Variants in ANKH observed in about 807,000 individuals in gnomAD.
ANKH encodes the protein ANKH inorganic pyrophosphate transport regulator, also known as mineralization regulator ANKH.
ANKH carries 15 observed loss-of-function variants against 49.0 expected under a neutral mutation model. That is an observed-to-expected ratio of 0.31 (90% CI 0.20 to 0.47). The LOEUF is 0.47. Ranked by LOEUF, ANKH falls within the 20% of genes least tolerant of loss-of-function variation. The pLI is 1.00. For missense variants in ANKH, 429 were observed against 652.0 expected (o/e 0.66, Z 3.72); for synonymous variants, 273 against 260.0 (o/e 1.05, Z -0.48).
Position 14,745,791 on chromosome 5 carries a change from G to T in ANKH, c.915+79C>A. The T allele has an allele frequency of 8.1e-7, 1 of 1,228,644 alleles. No homozygotes were observed. 76.1% of individuals were successfully genotyped at this position (1,228,644 alleles called of 1,614,324 possible). A position where few individuals can be genotyped will look rare whatever the true frequency, so the allele number is the denominator to read the frequency against. Reference sequence around the variant, plus strand: ...AAGCAGGACTGAGAAGCAACAAAGTGTCCCTCATCAGAGAGCCCTGTCTAT... The same window carrying T: ...AAGCAGGACTGAGAAGCAACAAAGTTTCCCTCATCAGAGAGCCCTGTCTAT... On this transcript the variant is annotated intron_variant, in intron 7 of 11. Transcript: ENST00000284268. The surrounding 1 kb of genome is among the most constrained non-coding windows in gnomAD (Gnocchi z 4.7).
chr5:14,811,023 A>G (rs1041928711), intron 1 of ANKH, among the ~76,000 whole-genome samples: 5 of 152,170 alleles, frequency 3.3e-5, no homozygotes, highest in Admixed American at 3.3e-4. Flanking sequence ...TAAATGGACC[A>G]TAAAAAGCAA....
chr5:14,733,909 G>A (rs1738085032), intron 8 of ANKH, among the ~76,000 whole-genome samples: 1 of 152,354 alleles, frequency 6.6e-6, no homozygotes, highest in South Asian at 2.1e-4. Flanking sequence ...CCGTCAGGCT[G>A]ATGTCTGGTT....
intron 1 of ANKH, among the ~76,000 whole-genome samples, chr5:14,804,001 T>G (rs1039723187): frequency 6.6e-6 from 1 of 152,180 alleles, no homozygotes; most frequent in African/African-American, 2.4e-5. Context: ...GTTCAAGTGA[T>G]TCTCCTGCCT....
rs2126388381 is a variant in ANKH, at chr5:14,710,300, A to G, written c.*897T>C. 1 of 152,390 alleles carries G rather than the reference A, an allele frequency of 6.6e-6. No homozygotes were observed. Among genetic ancestry groups the G allele is most frequent in the South Asian group, 2.1e-4 (1 of 4,828 alleles). 9.4% of individuals were successfully genotyped at this position (152,390 alleles called of 1,614,324 possible). A position where few individuals can be genotyped will look rare whatever the true frequency, so the allele number is the denominator to read the frequency against. ...GTAAAAACTAAAATGCAAAGTTAGG[A>G]TGCTCCATGTGACTCGCTCTAATGC... On this transcript the variant is annotated 3_prime_UTR_variant, in exon 12 of 12. Transcript: ENST00000284268.
intron 1 of ANKH, among the ~76,000 whole-genome samples, chr5:14,795,191 C>A (rs1740334586): frequency 6.6e-6 from 1 of 152,124 alleles, no homozygotes; most frequent in Non-Finnish European, 1.5e-5. Flanking sequence ...AAAGCAAAAT[C>A]CAGTTGCTGA....
intron 1 of ANKH, chr5:14,787,971 C>T (rs1740034279): frequency 6.6e-6 from 1 of 152,180 alleles, no homozygotes; most frequent in Non-Finnish European, 1.5e-5. Context: ...CCTTCATGAC[C>T]TACTTCCCTT....
rs116020438 is a variant in ANKH, at chr5:14,800,610, G to A, written c.97-31419C>T. ...CAACTCTTTGAAAGCTCAGATGATC[G>A]TTAGCATTTTTTAGCAATGGAGTAT... is the stretch of plus-strand genomic sequence containing the variant. On this transcript the variant is annotated intron_variant, in intron 1 of 11. Coordinates refer to ENST00000284268, the MANE Select transcript of ANKH (RefSeq NM_054027.6). Among the ~76,000 whole-genome samples, 409 of 152,152 alleles carry A rather than the reference G, an allele frequency of 2.7e-3. 2 individuals carry two copies. Among genetic ancestry groups the A allele is most frequent in the African/African-American group, 9.5e-3 (395 of 41,524 alleles).
chr5:14,798,744 A>C (rs1303745558), intron 1 of ANKH, among the ~76,000 whole-genome samples: 2 of 152,134 alleles, frequency 1.3e-5, no homozygotes, highest in Non-Finnish European at 2.9e-5. Flanking sequence ...TGGCAAACTT[A>C]ATAAATGTGT....
At chr5:14,778,915 C>T (rs1441890401) in intron 1 of ANKH, among the ~76,000 whole-genome samples, 1 of 152,216 alleles carries the variant, frequency 6.6e-6, no homozygotes, top group Non-Finnish European at 1.5e-5. Flanking sequence ...CCCCTGCATG[C>T]TGTCAGCTGC....
At chr5:14,787,175 C>G (rs1369214820) in intron 1 of ANKH, among the ~76,000 whole-genome samples, 1 of 152,002 alleles carries the variant, frequency 6.6e-6, no homozygotes, top group South Asian at 2.1e-4. Context: ...TTAGCCTGGC[C>G]TGGTTGCATG....
intron 1 of ANKH, among the ~76,000 whole-genome samples, chr5:14,836,019 C>T (rs1231428815): frequency 6.6e-6 from 1 of 152,228 alleles, no homozygotes; most frequent in African/African-American, 2.4e-5. Context: ...ACAAAAACCA[C>T]ATGATTATCT....
intron 1 of ANKH, among the ~76,000 whole-genome samples, chr5:14,780,214 C>A (rs957609423): frequency 2.0e-5 from 3 of 152,080 alleles, no homozygotes; most frequent in Non-Finnish European, 4.4e-5. Context: ...TGGGCCCTGA[C>A]CTTGTTATAC....
intron 8 of ANKH, 38 bp downstream of exon 8, chr5:14,741,789 A>G (rs780654999): frequency 4.5e-6 from 7 of 1,553,214 alleles, no homozygotes; most frequent in Non-Finnish European, 2.7e-6. Flanking sequence ...TACAAAAACC[A>G]AACAGAGAGA....
chr5:14,824,971 C>T (rs1318071200), intron 1 of ANKH, among the ~76,000 whole-genome samples: 1 of 152,192 alleles, frequency 6.6e-6, no homozygotes, highest in African/African-American at 2.4e-5. Context: ...AAGAGATTAT[C>T]ACCTGTTAGC....
rs1396352328 is a variant in ANKH, at chr5:14,745,396, A to G, written c.915+474T>C. Among the ~76,000 whole-genome samples, 1 of 152,160 alleles carries G rather than the reference A, an allele frequency of 6.6e-6. No homozygotes were observed. The highest frequency in any genetic ancestry group is 1.5e-5 in the Non-Finnish European group (1 of 68,028). On this transcript the variant is annotated intron_variant, in intron 7 of 11. Transcript: ENST00000284268. This position sits in a 1 kb window ranked among gnomAD's most constrained non-coding sequence, Gnocchi z 4.7. ...GGCTTTCCACTGGAATACGTCTGCA[A>G]TATCAAAACACTGGACCCAGGTCTT... is the stretch of plus-strand genomic sequence containing the variant.
At chr5:14,724,258 A>C (rs1737755833) in intron 8 of ANKH, among the ~76,000 whole-genome samples, 1 of 152,210 alleles carries the variant, frequency 6.6e-6, no homozygotes, top group South Asian at 2.1e-4. Flanking sequence ...CAGAGGTTGC[A>C]GTGAGCTGAG....
chr5:14,738,899 T>C (rs190603058), intron 8 of ANKH, among the ~76,000 whole-genome samples: 54 of 152,322 alleles, frequency 3.5e-4, no homozygotes, highest in African/African-American at 1.2e-3. Flanking sequence ...GACCGGTGTC[T>C]CATAATTAAG....
In ANKH at chr5:14,708,189, T is replaced by C. The variant is rs1737014393; in HGVS notation, c.*3008A>G. Reference sequence around the variant, plus strand: ...TTTAGGATGACGTCCCTTGTGCTACTCAAACAGGCCACCAAAGGAGGAGCT... The same window carrying C: ...TTTAGGATGACGTCCCTTGTGCTACCCAAACAGGCCACCAAAGGAGGAGCT... On this transcript the variant is annotated 3_prime_UTR_variant, in exon 12 of 12. Transcript: ENST00000284268. 1 of 152,250 alleles carries C rather than the reference T, an allele frequency of 6.6e-6. No individual in the cohort carries two copies. Among genetic ancestry groups the C allele is most frequent in the African/African-American group, 2.4e-5 (1 of 41,466 alleles). The allele number at this position is 152,250 out of a possible 1,614,324, so 9.4% of individuals were successfully genotyped here. A position where few individuals can be genotyped will look rare whatever the true frequency, so the allele number is the denominator to read the frequency against.
chr5:14,736,477 A>AT (rs1229730407), intron 8 of ANKH, among the ~76,000 whole-genome samples: 2 of 152,056 alleles, frequency 1.3e-5, no homozygotes, highest in East Asian at 1.9e-4. Context: ...GTTTATAGCC[A>AT]TTTTTTACAG....
Sources: allele counts gnomAD v4.1 joint callset (sites outside exome capture counted in the v4.1 genomes callset), GRCh38; gene constraint gnomAD v4.1.1; non-coding constraint Gnocchi (gnomAD v3.1); transcripts MANE v1.5; gene names NCBI Gene and HGNC (gene_info 2026-07-23, HGNC 2026-07-21).